The following METTL24 variants were observed in gnomAD, a reference collection of about 807,000 sequenced individuals.
The protein encoded by METTL24 is methyltransferase like 24.
Under a neutral mutation model 32.7 loss-of-function variants are expected in METTL24, and 29 were observed. The observed-to-expected ratio is 0.89, with a 90% CI of 0.66 to 1.21. The LOEUF is 1.21. METTL24 is among the 50% of genes most tolerant of loss of function. METTL24 has a pLI of 0.00. For missense variants in METTL24, 439 were observed against 468.1 expected (o/e 0.94, Z 0.57); for synonymous variants, 163 against 179.5 (o/e 0.91, Z 0.73).
At chr6:110,337,394 A>C (rs1179161013) in intron 1 of METTL24, among the ~76,000 whole-genome samples, 1 of 152,248 alleles carries the variant, frequency 6.6e-6, no homozygotes, top group Non-Finnish European at 1.5e-5. Flanking sequence ...CTATGTAACA[A>C]ACCTTCACAT....
chr6:110,356,358 G>A (rs1772698051), intron 1 of METTL24, among the ~76,000 whole-genome samples: 2 of 152,014 alleles, frequency 1.3e-5, no homozygotes, highest in Admixed American at 6.5e-5. Context: ...CAGAAGAATC[G>A]CTTGAACCCG....
intron 1 of METTL24, among the ~76,000 whole-genome samples, chr6:110,328,911 G>A (rs982765831): frequency 3.3e-5 from 5 of 152,172 alleles, no homozygotes; most frequent in African/African-American, 1.2e-4. Flanking sequence ...TCACACCCAT[G>A]AATGACCTTA....
chr6:110,248,922 A>G (rs530481752), intron 4 of METTL24, among the ~76,000 whole-genome samples: 1 of 152,166 alleles, frequency 6.6e-6, no homozygotes, highest in African/African-American at 2.4e-5. Context: ...GAAATATTTA[A>G]TCAAAACTTT....
chr6:110,265,709 CA>C (rs1770844566), intron 4 of METTL24, among the ~76,000 whole-genome samples: 1 of 152,102 alleles, frequency 6.6e-6, no homozygotes, highest in South Asian at 2.1e-4. Context: ...GATTATATGC[CA>C]GGGGAGGAGG....
chr6:110,255,113 T>C (rs1778357994), intron 4 of METTL24, among the ~76,000 whole-genome samples: 1 of 152,090 alleles, frequency 6.6e-6, no homozygotes, highest in African/African-American at 2.4e-5. Context: ...TTATGAGAAA[T>C]ATGAAGGGTC....
rs190513372 is a variant in METTL24 at position 110,274,185 on chromosome 6, C to T, written c.786+24737G>A. 5.3e-4 allele frequency among the ~76,000 whole-genome samples: 80 copies of T among 152,162 alleles called. 1 individual carries two copies. In the East Asian group the frequency reaches 8.9e-3, roughly 17 times the overall value. On this transcript the variant is annotated intron_variant, in intron 4 of 4. Transcript: ENST00000338882. The stretch of plus-strand genomic sequence containing the variant: ...TCGGCTCACTACAACCTCTGCCTTC[C>T]GGGTTCAAGCGATTCTCCTCCCTCA...
chr6:110,349,524 TG>T (rs1444359588), intron 1 of METTL24, among the ~76,000 whole-genome samples: 2 of 152,206 alleles, frequency 1.3e-5, no homozygotes, highest in Non-Finnish European at 2.9e-5. Flanking sequence ...CAGCATAAAC[TG>T]GCCCCTCCCA....
intron 4 of METTL24, among the ~76,000 whole-genome samples, chr6:110,247,690 G>A (rs1778193836): frequency 6.6e-6 from 1 of 152,180 alleles, no homozygotes; most frequent in South Asian, 2.1e-4. Flanking sequence ...GGAAGCTGCT[G>A]ACTGAAGTCA....
intron 4 of METTL24, among the ~76,000 whole-genome samples, chr6:110,246,597 A>G (rs999483383): frequency 6.6e-6 from 1 of 152,200 alleles, no homozygotes; most frequent in African/African-American, 2.4e-5. Flanking sequence ...TTAATATACA[A>G]ATGATGAAAT....
chr6:110,312,179 T>C (rs1321233804), intron 3 of METTL24, among the ~76,000 whole-genome samples: 1 of 152,182 alleles, frequency 6.6e-6, no homozygotes, highest in Admixed American at 6.5e-5. Context: ...AGAATGGCTA[T>C]TATTAAAAAG....
chr6:110,312,120 C>A (rs1294122290), intron 3 of METTL24, among the ~76,000 whole-genome samples: 1 of 152,158 alleles, frequency 6.6e-6, no homozygotes, highest in Non-Finnish European at 1.5e-5. Flanking sequence ...CACTAATCAT[C>A]AGGAAAATGT....
chr6:110,269,320 T>C (rs1171306410), intron 4 of METTL24, among the ~76,000 whole-genome samples: 1 of 152,192 alleles, frequency 6.6e-6, no homozygotes, highest in Admixed American at 6.5e-5. Context: ...CTGTTTCTGG[T>C]GAGTTCTTTG....
At chr6:110,326,865 TC>T (rs1772025884) in intron 1 of METTL24, among the ~76,000 whole-genome samples, 1 of 152,190 alleles carries the variant, frequency 6.6e-6, no homozygotes, top group South Asian at 2.1e-4. Flanking sequence ...CTGTGCTTGG[TC>T]CCTGCAGGTC....
At chr6:110,328,749 A>C (rs1772059813) in intron 1 of METTL24, among the ~76,000 whole-genome samples, 1 of 152,218 alleles carries the variant, frequency 6.6e-6, no homozygotes, top group Non-Finnish European at 1.5e-5. Flanking sequence ...GAAATATATT[A>C]ATTCAAGACC....
At chr6:110,308,441 A>C (rs1156236553) in intron 3 of METTL24, among the ~76,000 whole-genome samples, 1 of 152,220 alleles carries the variant, frequency 6.6e-6, no homozygotes, top group African/African-American at 2.4e-5. Context: ...ATTAGTCAGT[A>C]GGGAAATGCA....
chr6:110,314,020 T>G (rs1466894861), intron 3 of METTL24, among the ~76,000 whole-genome samples: 2 of 152,232 alleles, frequency 1.3e-5, no homozygotes, highest in Non-Finnish European at 2.9e-5. Flanking sequence ...TTGTTTGTTA[T>G]AGTTTGACAG....
At chr6:110,353,131 G>A (rs1194370059) in intron 1 of METTL24, among the ~76,000 whole-genome samples, 1 of 152,196 alleles carries the variant, frequency 6.6e-6, no homozygotes, top group Non-Finnish European at 1.5e-5. Context: ...ATAAAAACCT[G>A]CTTTTCTTTG....
chr6:110,264,515 C>G (rs1315160623), intron 4 of METTL24, among the ~76,000 whole-genome samples: 1 of 152,194 alleles, frequency 6.6e-6, no homozygotes, highest in Admixed American at 6.5e-5. Flanking sequence ...CACTTTTACA[C>G]TGTTGGTGGG....
intron 3 of METTL24, among the ~76,000 whole-genome samples, chr6:110,315,106 G>T (rs774759183): frequency 1.3e-5 from 2 of 152,026 alleles, no homozygotes; most frequent in African/African-American, 4.8e-5. Flanking sequence ...TGAGAACGGG[G>T]GCTTCCAACT....
Sources: allele counts gnomAD v4.1 joint callset (sites outside exome capture counted in the v4.1 genomes callset), GRCh38; gene constraint gnomAD v4.1.1; transcripts MANE v1.5; gene names NCBI Gene and HGNC (gene_info 2026-07-23, HGNC 2026-07-21).